The following FHOD3 variants were observed in gnomAD, a reference collection of about 807,000 sequenced individuals.
FHOD3 encodes the protein formin homology 2 domain containing 3.
FHOD3 carries 90 observed loss-of-function variants against 173.0 expected under a neutral mutation model. That is an observed-to-expected ratio of 0.52 (90% confidence interval 0.44 to 0.62). The LOEUF (loss-of-function observed/expected upper bound fraction) is 0.62, where lower values mean the gene tolerates loss of function less well. FHOD3 is among the 20% of genes least tolerant of loss of function. FHOD3 has a pLI of 0.00. For missense variants in FHOD3, 1,945 were observed against 2,034.7 expected (o/e 0.96, Z 0.85); for synonymous variants, 828 against 823.0 (o/e 1.01, Z -0.10).
At chr18:36,361,590 G>A (rs1227881928) in intron 2 of FHOD3, among the ~76,000 whole-genome samples, 1 of 151,432 alleles carries the variant, frequency 6.6e-6, no homozygotes, top group East Asian at 1.9e-4. Flanking sequence ...GGAGGCTGAG[G>A]CAGGAGAATT....
intron 5 of FHOD3, among the ~76,000 whole-genome samples, chr18:36,535,969 T>G: frequency 6.6e-6 from 1 of 152,330 alleles, no homozygotes; most frequent in African/African-American, 2.4e-5. Context: ...CAAACTACAA[T>G]AGTAATAATT....
intron 4 of FHOD3, among the ~76,000 whole-genome samples, chr18:36,508,386 C>G (rs998735766): frequency 2.0e-5 from 3 of 151,946 alleles, no homozygotes; most frequent in African/African-American, 7.3e-5. Context: ...GGAGAAGTGG[C>G]TGATTCCAAG....
At chr18:36,638,810 C>T (rs575734396) in intron 10 of FHOD3, among the ~76,000 whole-genome samples, 11 of 152,290 alleles carry the variant, frequency 7.2e-5, no homozygotes, top group African/African-American at 2.6e-4. Context: ...CAGTGTCAGT[C>T]ACCCCCATTG....
intron 3 of FHOD3, among the ~76,000 whole-genome samples, chr18:36,392,047 C>G (rs529246142): frequency 1.3e-5 from 2 of 152,318 alleles, no homozygotes; most frequent in South Asian, 4.1e-4. Flanking sequence ...GGCACTGGAC[C>G]CTGGTGTAGC....
intron 3 of FHOD3, among the ~76,000 whole-genome samples, chr18:36,389,417 A>G (rs2048190499): frequency 1.3e-5 from 2 of 152,186 alleles, no homozygotes; most frequent in African/African-American, 4.8e-5. Flanking sequence ...TCTTCTGCAA[A>G]CAGTGTCACC....
At chr18:36,500,300 A>G (rs2054963951) in intron 3 of FHOD3, among the ~76,000 whole-genome samples, 1 of 151,920 alleles carries the variant, frequency 6.6e-6, no homozygotes, top group Non-Finnish European at 1.5e-5. Context: ...ACTGAGCTTT[A>G]CCTATCTGTG....
intron 18 of FHOD3, chr18:36,710,762 ATTACAGTTAGTCCCCCAAATTCTTC>A (rs2149688609): frequency 6.6e-6 from 1 of 152,360 alleles, no homozygotes; most frequent in South Asian, 2.1e-4. Flanking sequence ...TCAAAGTCAG[ATTACAGTTAGTCCCCCAAATTCTTC>A]TTATCATTCA....
intron 2 of FHOD3, 114 bp from the exon 3 acceptor site, chr18:36,372,566 C>T (rs1306878779): frequency 1.4e-6 from 1 of 723,570 alleles, no homozygotes; most frequent in Non-Finnish European, 2.4e-6. Flanking sequence ...TGGGTCTCTG[C>T]TTCTCTGGAT....
intron 5 of FHOD3, among the ~76,000 whole-genome samples, chr18:36,559,258 C>T (rs1325636578): frequency 6.6e-6 from 1 of 152,110 alleles, no homozygotes; most frequent in Non-Finnish European, 1.5e-5. Flanking sequence ...TGAAAGACGA[C>T]CCACAACTGA....
chr18:36,723,098 G>A (rs774559586), intron 19 of FHOD3, among the ~76,000 whole-genome samples: 2 of 152,126 alleles, frequency 1.3e-5, no homozygotes, highest in Non-Finnish European at 2.9e-5. Flanking sequence ...AGAGAAAGAT[G>A]TCAGGGCCAA....
rs575643587 is a variant in FHOD3 at position 36,773,888 on chromosome 18, T to C, written c.4786+4462T>C. 4.6e-5 allele frequency among the ~76,000 whole-genome samples: 7 copies of C among 152,350 alleles called. No individual in the cohort carries two copies. In the East Asian group the frequency reaches 1.4e-3, roughly 29 times the overall value. ...TGCAACTGGCACATAAAGGCTGCAT[T>C]GTCAGCATAGCACTTGGCTAGCATT... On this transcript the variant is annotated intron_variant, in intron 28 of 28. Coordinates refer to ENST00000590592, the MANE Select transcript of FHOD3 (RefSeq NM_001281740.3).
chr18:36,754,806 G>A (rs1007690672), intron 24 of FHOD3, among the ~76,000 whole-genome samples: 1 of 151,292 alleles, frequency 6.6e-6, no homozygotes, highest in African/African-American at 2.4e-5. Flanking sequence ...ACACAGATAC[G>A]CAAAGTGAAA....
At chr18:36,627,759 A>G (rs2034220423) in intron 10 of FHOD3, among the ~76,000 whole-genome samples, 1 of 152,158 alleles carries the variant, frequency 6.6e-6, no homozygotes, top group South Asian at 2.1e-4. Flanking sequence ...GGAGTGCGAT[A>G]GTGGGAATGC....
intron 5 of FHOD3, among the ~76,000 whole-genome samples, chr18:36,532,280 C>A (rs1007139279): frequency 6.6e-6 from 1 of 152,174 alleles, no homozygotes; most frequent in Non-Finnish European, 1.5e-5. Flanking sequence ...CAGTGATTGC[C>A]ACAATCCAGT....
In FHOD3 at chr18:36,658,038, T is replaced by A. The variant is rs770028095; in HGVS notation, c.1722-37T>A. ...TTACTGACTTGTACTTATTTCTCTATCCTTTTCCCCCCAACTTAAACCTCT... is the reference window on the plus strand; with the variant it reads ...TTACTGACTTGTACTTATTTCTCTAACCTTTTCCCCCCAACTTAAACCTCT... On this transcript the variant is annotated intron_variant, in intron 13 of 28. Coordinates refer to ENST00000590592, the MANE Select transcript of FHOD3 (RefSeq NM_001281740.3). The A allele has an allele frequency of 7.5e-6, 11 of 1,459,306 alleles. No homozygotes were observed. The African/African-American group carries it at 8.5e-5, about 11-fold the overall frequency. The allele number at this position is 1,459,306 out of a possible 1,614,324, so 90.4% of individuals were successfully genotyped here.
At chr18:36,374,296 G>A (rs895086299) in intron 3 of FHOD3, among the ~76,000 whole-genome samples, 3 of 152,162 alleles carry the variant, frequency 2.0e-5, no homozygotes, top group East Asian at 3.9e-4. Flanking sequence ...GGCATGCTGA[G>A]CACCGACAGC....
intron 3 of FHOD3, among the ~76,000 whole-genome samples, chr18:36,481,020 GTTT>G (rs35793521): frequency 0.024 from 2,490 of 104,358 alleles, 38 homozygotes; most frequent in East Asian, 0.027. Flanking sequence ...TTGGGAGGTG[GTTT>G]TTTTTTTTTT....
intron 19 of FHOD3, among the ~76,000 whole-genome samples, chr18:36,721,233 T>C (rs569844554): frequency 6.6e-6 from 1 of 152,342 alleles, no homozygotes; most frequent in African/African-American, 2.4e-5. Context: ...TTCCAGAATG[T>C]TCTATAATGA....
intron 3 of FHOD3, among the ~76,000 whole-genome samples, chr18:36,416,093 C>T (rs1362070149): frequency 6.6e-6 from 1 of 152,130 alleles, no homozygotes; most frequent in Non-Finnish European, 1.5e-5. Context: ...AGTGCAGTGG[C>T]ATGATCTCGG....
Sources: allele counts gnomAD v4.1 joint callset (sites outside exome capture counted in the v4.1 genomes callset), GRCh38; gene constraint gnomAD v4.1.1; transcripts MANE v1.5; gene names NCBI Gene and HGNC (gene_info 2026-07-23, HGNC 2026-07-21).